Variants in FGGY observed in about 807,000 individuals in gnomAD.
The protein encoded by FGGY is FGGY carbohydrate kinase domain containing.
FGGY carries 72 observed loss-of-function variants against 71.3 expected under a neutral mutation model. The observed-to-expected ratio is 1.01, with a 90% CI of 0.84 to 1.23. The LOEUF is 1.23. Among genes scored for constraint, FGGY ranks in the 50% most tolerant of loss-of-function variants. The pLI, the probability that FGGY is intolerant of heterozygous loss-of-function variation, is 0.00. For missense variants in FGGY, 668 were observed against 682.3 expected (o/e 0.98, Z 0.23); for synonymous variants, 251 against 250.3 (o/e 1.00, Z -0.02).
chr1:59,341,645 G>A (rs1259760986), intron 3 of FGGY, among the ~76,000 whole-genome samples: 3 of 152,128 alleles, frequency 2.0e-5, no homozygotes, highest in African/African-American at 7.2e-5. Flanking sequence ...CATTGGCTCA[G>A]TTGGCACTGT....
intron 7 of FGGY, among the ~76,000 whole-genome samples, chr1:59,533,506 A>C (rs917130438): frequency 6.6e-6 from 1 of 152,220 alleles, no homozygotes; most frequent in African/African-American, 2.4e-5. Flanking sequence ...ACCACAGCTC[A>C]AGGAGGCCTG....
chr1:59,461,991 A>T (rs1393200846), intron 6 of FGGY, among the ~76,000 whole-genome samples: 1 of 133,732 alleles, frequency 7.5e-6, no homozygotes, highest in Non-Finnish European at 1.6e-5. Flanking sequence ...CCCACCCCAC[A>T]ACAGTCCCCA....
intron 6 of FGGY, among the ~76,000 whole-genome samples, chr1:59,467,840 A>T (rs1462293935): frequency 6.6e-6 from 1 of 151,654 alleles, no homozygotes; most frequent in East Asian, 1.9e-4. Flanking sequence ...TGAATTAAGG[A>T]TTTGATTTTT....
At chr1:59,640,557 T>C (rs2097013435) in intron 11 of FGGY, among the ~76,000 whole-genome samples, 1 of 152,158 alleles carries the variant, frequency 6.6e-6, no homozygotes, top group Non-Finnish European at 1.5e-5. Context: ...GCAGGATAAT[T>C]CCAATAAAGC....
At chr1:59,440,754 G>A (rs145028621) in intron 5 of FGGY, among the ~76,000 whole-genome samples, 87 of 150,378 alleles carry the variant, frequency 5.8e-4, no homozygotes, top group African/African-American at 2.1e-3. Context: ...CACAGTGGAG[G>A]GGCGAATAAC....
chr1:59,546,532 G>GATGATT (rs1553279121), intron 7 of FGGY, among the ~76,000 whole-genome samples: 1 of 102,130 alleles, frequency 9.8e-6, no homozygotes, highest in East Asian at 2.7e-4. Context: ...TGATGATGAT[G>GATGATT]ATGATTATTA....
intron 5 of FGGY, among the ~76,000 whole-genome samples, chr1:59,416,219 A>C (rs926865878): frequency 6.6e-6 from 1 of 152,172 alleles, no homozygotes; most frequent in Non-Finnish European, 1.5e-5. Context: ...AGGGAGCAAA[A>C]ATTGGTTCTT....
At chr1:59,756,108 A>G (rs2098288544) in intron 14 of FGGY, 1 of 152,196 alleles carries the variant, frequency 6.6e-6, no homozygotes, top group African/African-American at 2.4e-5. Flanking sequence ...GAATGGCAGC[A>G]TGTTCACTAA....
chr1:59,615,624 A>G (rs1382145574), intron 9 of FGGY, among the ~76,000 whole-genome samples: 1 of 152,250 alleles, frequency 6.6e-6, no homozygotes, highest in East Asian at 1.9e-4. Flanking sequence ...AGCAACGGCA[A>G]CAAAAGCCAA....
At chr1:59,383,301 C>T (rs1387721455) in intron 5 of FGGY, among the ~76,000 whole-genome samples, 2 of 152,084 alleles carry the variant, frequency 1.3e-5, no homozygotes, top group East Asian at 3.9e-4. Flanking sequence ...AGTATATGAT[C>T]AGGTAACTTT....
chr1:59,480,246 C>G (rs1558071819), intron 6 of FGGY, among the ~76,000 whole-genome samples: 1 of 152,140 alleles, frequency 6.6e-6, no homozygotes, highest in South Asian at 2.1e-4. Flanking sequence ...AACCAAAAAC[C>G]CGAATTATGG....
intron 8 of FGGY, among the ~76,000 whole-genome samples, chr1:59,576,123 A>G (rs1168571950): frequency 2.0e-5 from 3 of 152,186 alleles, no homozygotes; most frequent in Non-Finnish European, 4.4e-5. Context: ...AGCACTGTTT[A>G]CAATAGCAAA....
intron 14 of FGGY, among the ~76,000 whole-genome samples, chr1:59,720,679 AGATT>A (rs2097883461): frequency 1.3e-5 from 2 of 152,174 alleles, no homozygotes; most frequent in African/African-American, 4.8e-5. Flanking sequence ...ATTGCAGCTA[AGATT>A]GATTTTCTTA....
chr1:59,750,445 A>C (rs1574014198), intron 14 of FGGY, among the ~76,000 whole-genome samples: 1 of 152,244 alleles, frequency 6.6e-6, no homozygotes, highest in Non-Finnish European at 1.5e-5. Flanking sequence ...AAAGATATTA[A>C]TGTACAGCTT....
intron 1 of FGGY, among the ~76,000 whole-genome samples, chr1:59,313,573 C>A (rs2044773567): frequency 6.6e-6 from 1 of 152,000 alleles, no homozygotes; most frequent in Admixed American, 6.6e-5. Context: ...ATGTATCACA[C>A]ACACACACAC....
intron 8 of FGGY, among the ~76,000 whole-genome samples, chr1:59,568,578 T>A (rs1187602510): frequency 6.6e-6 from 1 of 152,074 alleles, no homozygotes; most frequent in Non-Finnish European, 1.5e-5. Flanking sequence ...CCAAAAAGTA[T>A]GGAGACAACA....
chr1:59,475,426 A>G (rs2093215141), intron 6 of FGGY, among the ~76,000 whole-genome samples: 1 of 152,224 alleles, frequency 6.6e-6, no homozygotes, highest in South Asian at 2.1e-4. Flanking sequence ...AATAATGGCT[A>G]ATGTTCCTAC....
intron 14 of FGGY, among the ~76,000 whole-genome samples, chr1:59,715,331 A>G (rs1382534518): frequency 2.0e-5 from 3 of 152,346 alleles, no homozygotes; most frequent in South Asian, 2.1e-4. Flanking sequence ...GGTGGTGAAC[A>G]TGAATTCCAC....
intron 4 of FGGY, among the ~76,000 whole-genome samples, chr1:59,374,871 T>A (rs1255206581): frequency 4.1e-5 from 5 of 120,832 alleles, no homozygotes; most frequent in Non-Finnish European, 6.4e-5. Flanking sequence ...GAACACATGG[T>A]CACAGGAAGG....
Sources: gnomAD v4.1 joint callset for allele counts (sites outside exome capture counted in the v4.1 genomes callset) on GRCh38, gnomAD v4.1.1 for gene constraint, MANE v1.5 for transcripts, NCBI Gene and HGNC (gene_info 2026-07-23, HGNC 2026-07-21) for gene names.